The following ATP2B2 variants were observed in gnomAD, a reference collection of about 807,000 sequenced individuals.
ATP2B2 encodes plasma membrane calcium-transporting ATPase 2.
A neutral mutation model predicts 120.0 loss-of-function variants in ATP2B2; 15 were observed. That is an observed-to-expected ratio of 0.12 (90% CI 0.08 to 0.19). The LOEUF is 0.19. Among genes scored for constraint, ATP2B2 ranks in the 10% least tolerant of loss-of-function variants. The pLI is 1.00. For missense variants in ATP2B2, 1,045 were observed against 1,719.8 expected (o/e 0.61, Z 6.94); for synonymous variants, 694 against 700.3 (o/e 0.99, Z 0.14).
chr3:10,502,480 T>A (rs575347030), intron 1 of ATP2B2, among the ~76,000 whole-genome samples: 15 of 152,366 alleles, frequency 9.8e-5, no homozygotes, highest in Middle Eastern at 3.4e-3. Context: ...AGGCCTCTGC[T>A]GCTTCTTGTC....
rs7621858 is a variant in ATP2B2, at chr3:10,403,614, G to T, written c.398-1266C>A. 2.5e-3 allele frequency among the ~76,000 whole-genome samples: 383 copies of T among 152,246 alleles called. 3 individuals carry two copies. Among genetic ancestry groups the T allele is most frequent in the African/African-American group, 8.9e-3 (370 of 41,536 alleles). ...TCATTTCCTCTGGGACCTGGGGAGC[G>T]GCCATTTCCATGGAAAGGAATCTCC... On this transcript the variant is annotated intron_variant, in intron 3 of 22. Transcript: ENST00000360273.
rs13320706 is a variant in ATP2B2 at position 10,458,522 on chromosome 3, T to C, written c.-319-8660A>G. On this transcript the variant is annotated intron_variant, in intron 1 of 22. Transcript: ENST00000360273. Reference sequence around the variant, plus strand: ...GAATCAGATCCACTCAGTTTTGATCTTGGTGTGATGACTATGATGAACAGC... The same window carrying C: ...GAATCAGATCCACTCAGTTTTGATCCTGGTGTGATGACTATGATGAACAGC... Among the ~76,000 whole-genome samples, 3 of 1,108 alleles carry C rather than the reference T, an allele frequency of 2.7e-3. No homozygotes were observed. In the African/African-American group the frequency reaches 0.037, roughly 14 times the overall value. 0.7% of individuals were successfully genotyped at this position (1,108 alleles called of 152,430 possible).
intron 1 of ATP2B2, among the ~76,000 whole-genome samples, chr3:10,689,509 T>C (rs1394338533): frequency 6.6e-6 from 1 of 152,160 alleles, no homozygotes; most frequent in Non-Finnish European, 1.5e-5. Context: ...TAAGTCAATC[T>C]AGCATTGCCA....
chr3:10,443,761 T>C (rs2063745840), intron 2 of ATP2B2, among the ~76,000 whole-genome samples: 2 of 152,212 alleles, frequency 1.3e-5, no homozygotes, highest in Admixed American at 1.3e-4. Flanking sequence ...CGAGATGGGT[T>C]TCTGTCAGAT....
intron 1 of ATP2B2, among the ~76,000 whole-genome samples, chr3:10,702,823 T>C (rs559136496): frequency 2.5e-4 from 38 of 152,230 alleles, no homozygotes; most frequent in Non-Finnish European, 4.9e-4. Flanking sequence ...GGAGGCATTT[T>C]CTGTCCCTGT....
intron 2 of ATP2B2, among the ~76,000 whole-genome samples, chr3:10,600,868 G>C (rs2068889981): frequency 6.6e-6 from 1 of 152,206 alleles, no homozygotes; most frequent in Non-Finnish European, 1.5e-5. Flanking sequence ...GTTGACCATA[G>C]AAAACACATG....
chr3:10,427,681 A>G (rs1022884688), intron 2 of ATP2B2, among the ~76,000 whole-genome samples: 1 of 152,196 alleles, frequency 6.6e-6, no homozygotes, highest in Non-Finnish European at 1.5e-5. Flanking sequence ...GGAGACACCT[A>G]AACAATTAAT....
At chr3:10,695,289 C>G (rs1362712452) in intron 1 of ATP2B2, among the ~76,000 whole-genome samples, 1 of 115,238 alleles carries the variant, frequency 8.7e-6, no homozygotes, top group Non-Finnish European at 1.7e-5. Context: ...AGAGAGACAG[C>G]TTGTGCAGGG....
upstream of ATP2B2, among the ~76,000 whole-genome samples, chr3:10,508,639 G>T (rs2066696761): frequency 6.6e-6 from 1 of 152,340 alleles, no homozygotes; most frequent in African/African-American, 2.4e-5. Context: ...TCTGTCCCTT[G>T]CCCCGTCCCC....
intron 1 of ATP2B2, among the ~76,000 whole-genome samples, chr3:10,459,577 C>T (rs545376989): frequency 6.6e-6 from 1 of 152,376 alleles, no homozygotes; most frequent in South Asian, 2.1e-4. Flanking sequence ...TGCCTCCAGC[C>T]TCCAGGTCCT....
rs555998696 is a variant in ATP2B2, at chr3:10,347,749, G to T, written c.2405-1612C>A. On this transcript the variant is annotated intron_variant, in intron 16 of 22. Transcript: ENST00000360273. This position sits in a 1 kb window ranked among gnomAD's most constrained non-coding sequence, Gnocchi z 5.2. ...CTGTGGCTCCCAGGTGGTGCGGACC[G>T]TTGCGTAGCTCAAGCTGTGCGGAAA... 2.6e-5 allele frequency among the ~76,000 whole-genome samples: 4 copies of T among 152,198 alleles called. No individual in the cohort carries two copies. Among genetic ancestry groups the T allele is most frequent in the Admixed American group, 6.5e-5 (1 of 15,278 alleles).
At chr3:10,557,621 G>A (rs1335176079) in intron 2 of ATP2B2, among the ~76,000 whole-genome samples, 1 of 152,242 alleles carries the variant, frequency 6.6e-6, no homozygotes, top group Non-Finnish European at 1.5e-5. Context: ...GGCAGGGACT[G>A]CAGGGCACAG....
At chr3:10,406,267 T>A (rs2062407016) in intron 3 of ATP2B2, among the ~76,000 whole-genome samples, 1 of 152,022 alleles carries the variant, frequency 6.6e-6, no homozygotes, top group Admixed American at 6.5e-5. Context: ...GGGAAAAGAA[T>A]GAGATGAAGT....
chr3:10,378,265 C>T lies in ATP2B2; in HGVS notation c.1188G>A (p.Gln396=), dbSNP rs771783020. Reference sequence around the variant, plus strand: ...TGCTGCACTCACCCGCCTTCCCGATCTGCACAGCCAGCTTGGTGAGCTTGC... The same window carrying T: ...TGCTGCACTCACCCGCCTTCCCGATTTGCACAGCCAGCTTGGTGAGCTTGC... ...LQGKLTKLAV[Q]IGKAGLVMSA... Residue 396 remains glutamine, a synonymous_variant, in exon 10 of 23, where the codon CAG becomes CAA. Coordinates refer to ENST00000360273, the MANE Select transcript of ATP2B2 (RefSeq NM_001001331.4). 1.9e-6 allele frequency: 3 copies of T among 1,607,912 alleles called. No homozygotes were observed. Among genetic ancestry groups the T allele is most frequent in the East Asian group, 4.5e-5 (2 of 44,900 alleles).
chr3:10,519,550 T>C (rs1230385901), intron 3 of ATP2B2, among the ~76,000 whole-genome samples: 1 of 151,922 alleles, frequency 6.6e-6, no homozygotes, highest in Non-Finnish European at 1.5e-5. Context: ...GTTCTAGGAG[T>C]GGAGAACTCA....
At chr3:10,679,082 C>A (rs1387273449) in intron 1 of ATP2B2, among the ~76,000 whole-genome samples, 1 of 152,074 alleles carries the variant, frequency 6.6e-6, no homozygotes, top group African/African-American at 2.4e-5. Flanking sequence ...AGGTCTACAG[C>A]TGCAAGGAAA....
At chr3:10,341,465 C>T (rs923123141) in intron 19 of ATP2B2, among the ~76,000 whole-genome samples, 1 of 152,118 alleles carries the variant, frequency 6.6e-6, no homozygotes. Flanking sequence ...TGCGCACCAT[C>T]ACGCCCGGCT....
chr3:10,633,198 G>A (rs2069918134), intron 1 of ATP2B2, among the ~76,000 whole-genome samples: 1 of 152,196 alleles, frequency 6.6e-6, no homozygotes, highest in South Asian at 2.1e-4. Context: ...TCAAGAAAAT[G>A]AGAATTCTAA....
intron 2 of ATP2B2, among the ~76,000 whole-genome samples, chr3:10,566,727 G>C (rs1184041137): frequency 2.0e-5 from 3 of 152,170 alleles, no homozygotes; most frequent in Non-Finnish European, 4.4e-5. Context: ...ACACAGACAG[G>C]GTGGCTGTAA....
Sources: allele counts gnomAD v4.1 joint callset (sites outside exome capture counted in the v4.1 genomes callset), GRCh38; gene constraint gnomAD v4.1.1; non-coding constraint Gnocchi (gnomAD v3.1); transcripts MANE v1.5; gene names NCBI Gene and HGNC (gene_info 2026-07-23, HGNC 2026-07-21).